Variants in DGKA observed in about 807,000 individuals in gnomAD.
DGKA encodes diacylglycerol kinase alpha.
DGKA carries 35 observed loss-of-function variants against 105.0 expected under a neutral mutation model. That is an observed-to-expected ratio of 0.33 (90% CI 0.25 to 0.44). DGKA has a LOEUF of 0.44. Ranked by LOEUF, DGKA falls within the 20% of genes least tolerant of loss-of-function variation. DGKA has a pLI of 1.00. For missense variants in DGKA, 665 were observed against 915.0 expected (o/e 0.73, Z 3.53); for synonymous variants, 296 against 332.0 (o/e 0.89, Z 1.18).
chr12:55,941,199 T>G lies in DGKA; in HGVS notation c.1102-53T>G. ...CTGCCCCTGTCTCCTGGGCCCACCT[T>G]AACTCTGACAAAATCCTGCTTTCTT... On this transcript the variant is annotated intron_variant, in intron 13 of 23. Transcript: ENST00000331886. 4.4e-6 allele frequency: 7 copies of G among 1,574,438 alleles called. No homozygotes were observed. The South Asian group carries it at 6.9e-5, about 15-fold the overall frequency.
At chr12:55,949,551 GCTTTCCAAAAATGA>G (rs1887727496) in intron 17 of DGKA, among the ~76,000 whole-genome samples, 1 of 152,180 alleles carries the variant, frequency 6.6e-6, no homozygotes, top group Non-Finnish European at 1.5e-5. Flanking sequence ...TTGCCAAAAT[GCTTTCCAAAAATGA>G]CTTATCAAGT....
At position 55,953,102 on chromosome 12, in the gene DGKA, T is replaced by C. The variant is rs749264180; in HGVS notation, c.2005T>C (p.Tyr669His). Residue 669 changes from tyrosine (Y) to histidine (H), a missense_variant, in exon 22 of 24, where the codon TAT becomes CAT. Around this residue, in one of 3 missense-constraint regions of DGKA, gnomAD observed 158 missense variants for 213.4 expected, o/e 0.74. Coordinates refer to ENST00000331886, the MANE Select transcript of DGKA (RefSeq NM_001345.5). ...LEGAIEMGQI[Y>H]TKLKNAGRRL... ...GGGTGCAATTGAGATGGGCCAAATCTATACCAAGCTCAAGAATGCTGGACG... is the reference window on the plus strand; with the variant it reads ...GGGTGCAATTGAGATGGGCCAAATCCATACCAAGCTCAAGAATGCTGGACG... 44 of 1,614,096 alleles carry C rather than the reference T, an allele frequency of 2.7e-5. No individual in the cohort carries two copies. The highest frequency in any genetic ancestry group is 3.7e-5 in the Non-Finnish European group (44 of 1,180,022).
chr12:55,939,149 C>T (rs770338690), intron 7 of DGKA, 37 bp from the exon 8 acceptor site: 1 of 1,610,252 alleles, frequency 6.2e-7, no homozygotes, highest in South Asian at 1.1e-5. Flanking sequence ...TCTGAAGACC[C>T]ACTCATACTG....
At chr12:55,946,097 C>T (rs1335235495) in intron 17 of DGKA, among the ~76,000 whole-genome samples, 1 of 151,756 alleles carries the variant, frequency 6.6e-6, no homozygotes, top group Non-Finnish European at 1.5e-5. Flanking sequence ...CCAGAATCCT[C>T]AATTTAAATG....
intron 17 of DGKA, among the ~76,000 whole-genome samples, chr12:55,944,039 T>C (rs943062801): frequency 6.6e-6 from 1 of 152,204 alleles, no homozygotes; most frequent in Non-Finnish European, 1.5e-5. Flanking sequence ...CTGATTCCTG[T>C]AATCCCAACA....
At chr12:55,937,202 T>TA in intron 3 of DGKA, 112 bp downstream of exon 3, 4 of 1,274,642 alleles carry the variant, frequency 3.1e-6, no homozygotes, top group Non-Finnish European at 3.4e-6. Context: ...CCTCTAGAGA[T>TA]ACCCTAGTGT....
At position 55,932,529 on chromosome 12, in the gene DGKA, C is replaced by T; in HGVS notation, c.-82+1185C>T. 1 of 702,310 alleles carries T rather than the reference C, an allele frequency of 1.4e-6. No individual in the cohort carries two copies. The highest frequency in any genetic ancestry group is 2.6e-6 in the Non-Finnish European group (1 of 384,810). The allele number at this position is 702,310 out of a possible 1,614,324, so 43.5% of individuals were successfully genotyped here. A position where few individuals can be genotyped will look rare whatever the true frequency, so the allele number is the denominator to read the frequency against. ...GTCACTGGGAAGTTTCTGAAAATAC[C>T]TGAGTCTGAATCTCACTTTTCACCT... On this transcript the variant is annotated intron_variant, in intron 1 of 23. Transcript: ENST00000331886. The surrounding 1 kb of genome is among the most constrained non-coding windows in gnomAD (Gnocchi z 4.3).
Position 55,932,600 on chromosome 12 carries a change from T to C in DGKA, c.-82+1256T>C, listed in dbSNP as rs904471901. The C allele has an allele frequency of 8.5e-6, 6 of 702,162 alleles. No homozygotes were observed. The highest frequency in any genetic ancestry group is 4.0e-5 in the Admixed American group (2 of 49,954). The allele number at this position is 702,162 out of a possible 1,614,324, so 43.5% of individuals were successfully genotyped here. On this transcript the variant is annotated intron_variant, in intron 1 of 23. Coordinates refer to ENST00000331886, the MANE Select transcript of DGKA (RefSeq NM_001345.5). This position sits in a 1 kb window ranked among gnomAD's most constrained non-coding sequence, Gnocchi z 4.3. ...CCTGAGGAAGAATGGCAAATATTAC[T>C]GGGCATCTCTTCAGCCTCAGCACAG...
chr12:55,934,642 G>A (rs1034678270), intron 1 of DGKA, among the ~76,000 whole-genome samples: 2 of 152,212 alleles, frequency 1.3e-5, no homozygotes, highest in African/African-American at 4.8e-5. Context: ...AGATCAGGGT[G>A]TTTGATGGGG....
At chr12:55,939,957 C>T (rs1340730133) in intron 9 of DGKA, 125 bp from the exon 10 acceptor site, 7 of 874,146 alleles carry the variant, frequency 8.0e-6, no homozygotes, top group East Asian at 2.4e-5. Flanking sequence ...CACTTCACCC[C>T]GAACTTTTAT....
At chr12:55,938,692 T>A in intron 6 of DGKA, 132 bp downstream of exon 6, 2 of 1,588,550 alleles carry the variant, frequency 1.3e-6, no homozygotes, top group Non-Finnish European at 1.7e-6. Flanking sequence ...TAGGACTAAA[T>A]TTGAAAGTAA....
intron 23 of DGKA, 65 bp downstream of exon 23, chr12:55,953,475 C>T: frequency 6.5e-7 from 1 of 1,534,514 alleles, no homozygotes; most frequent in Non-Finnish European, 9.0e-7. Flanking sequence ...AATCCCCATT[C>T]CACAGCTTCT....
At position 55,952,213 on chromosome 12, in the gene DGKA, C is replaced by T; in HGVS notation, c.1652+114C>T. 1.3e-6 allele frequency: 2 copies of T among 1,510,918 alleles called. No individual in the cohort carries two copies. Among genetic ancestry groups the T allele is most frequent in the Non-Finnish European group, 1.8e-6 (2 of 1,088,228 alleles). The allele number at this position is 1,510,918 out of a possible 1,614,324, so 93.6% of individuals were successfully genotyped here. On this transcript the variant is annotated intron_variant, in intron 19 of 23. Transcript: ENST00000331886. This position sits in a 1 kb window ranked among gnomAD's most constrained non-coding sequence, Gnocchi z 5.1. Reference sequence around the variant, plus strand: ...TGGCACCTCTAGGAGGTCCCCCCAACCAAAGCCACCCTTGTTCCCCATGGG... The same window carrying T: ...TGGCACCTCTAGGAGGTCCCCCCAATCAAAGCCACCCTTGTTCCCCATGGG...
intron 8 of DGKA, 38 bp downstream of exon 8, chr12:55,939,343 C>T: frequency 6.2e-7 from 1 of 1,613,246 alleles, no homozygotes; most frequent in African/African-American, 1.3e-5. Flanking sequence ...GTAAGACAGC[C>T]TTGGGTTATG....
Position 55,934,717 on chromosome 12 carries a change from A to G in DGKA, c.-81-1706A>G, listed in dbSNP as rs150282939. ...CAAATATTTATTTAGCACCTACTCTATGTACTACAAATTATCTCCTTTCCT... is the reference window on the plus strand; with the variant it reads ...CAAATATTTATTTAGCACCTACTCTGTGTACTACAAATTATCTCCTTTCCT... On this transcript the variant is annotated intron_variant, in intron 1 of 23. Transcript: ENST00000331886. Among the ~76,000 whole-genome samples, 26 of 152,336 alleles carry G rather than the reference A, an allele frequency of 1.7e-4. No individual in the cohort carries two copies. The East Asian group carries it at 5.0e-3, about 29-fold the overall frequency.
intron 1 of DGKA, chr12:55,935,994 TGCC>T: frequency 2.0e-6 from 2 of 989,484 alleles, no homozygotes; most frequent in Non-Finnish European, 2.4e-6. Flanking sequence ...CTGCCGGAAC[TGCC>T]GAAGACCCGA....
chr12:55,929,072 G>A (rs1883254590), upstream of DGKA: 2 of 152,238 alleles, frequency 1.3e-5, no homozygotes, highest in South Asian at 2.1e-4. Flanking sequence ...AATGAACCTG[G>A]GAGGTGGAGG....
chr12:55,951,548 T>C, intron 17 of DGKA, 75 bp from the exon 18 acceptor site: 2 of 1,495,182 alleles, frequency 1.3e-6, no homozygotes, highest in Non-Finnish European at 1.8e-6. Flanking sequence ...CCCTGGGAAT[T>C]TGTGGAGCTG....
At position 55,931,353 on chromosome 12, in the gene DGKA, G is replaced by C. The variant is rs917502389; in HGVS notation, c.-82+9G>C. On this transcript the variant is annotated intron_variant, in intron 1 of 23. Transcript: ENST00000331886. The stretch of plus-strand genomic sequence containing the variant: ...CCTGCCAAGACCAGCAGGTAAAGTG[G>C]GAGGATGAGGGCGTGGAGAAAGGGT... 1 of 152,290 alleles carries C rather than the reference G, an allele frequency of 6.6e-6. No homozygotes were observed. Among genetic ancestry groups the C allele is most frequent in the East Asian group, 1.9e-4 (1 of 5,210 alleles). 9.4% of individuals were successfully genotyped at this position (152,290 alleles called of 1,614,324 possible).
Sources: allele counts gnomAD v4.1 joint callset (sites outside exome capture counted in the v4.1 genomes callset), GRCh38; gene constraint gnomAD v4.1.1; regional missense constraint gnomAD v4.1.1; non-coding constraint Gnocchi (gnomAD v3.1); transcripts MANE v1.5; gene names NCBI Gene and HGNC (gene_info 2026-07-23, HGNC 2026-07-21).